Variants in ABCD4 observed in about 807,000 individuals in gnomAD.
ABCD4 encodes the protein ATP binding cassette subfamily D member 4.
Under a neutral mutation model 86.3 loss-of-function variants are expected in ABCD4, and 53 were observed. That is an observed-to-expected ratio of 0.61 (90% CI 0.49 to 0.77). The LOEUF (loss-of-function observed/expected upper bound fraction) is 0.77, where lower values mean the gene tolerates loss of function less well. Ranked by LOEUF, ABCD4 falls within the 30% of genes least tolerant of loss-of-function variation. The pLI is 0.00. For missense variants in ABCD4, 757 were observed against 764.5 expected, an observed-to-expected ratio of 0.99 and a Z score of 0.12; for synonymous variants, 328 against 313.6, an observed-to-expected ratio of 1.05 and a Z score of -0.49.
intron 9 of ABCD4, 28 bp downstream of exon 9, chr14:74,292,720 A>G (rs770810842): frequency 1.2e-5 from 20 of 1,613,862 alleles, no homozygotes; most frequent in Non-Finnish European, 8.5e-6. Flanking sequence ...GAGGGACAGC[A>G]TGTGGGGTGA....
chr14:74,290,229 C>G (rs2081100306), intron 12 of ABCD4, 62 bp downstream of exon 12: 1 of 1,611,878 alleles, frequency 6.2e-7, no homozygotes, highest in Non-Finnish European at 8.5e-7. Flanking sequence ...CACACCGTCC[C>G]CGCCTTCACC....
intron 13 of ABCD4, 163 bp from the exon 14 acceptor site, chr14:74,289,682 G>T: frequency 1.4e-6 from 2 of 1,453,658 alleles, no homozygotes; most frequent in Non-Finnish European, 1.8e-6. Flanking sequence ...AGACAGCAGG[G>T]CAAGGTCCCT....
At chr14:74,290,609 G>A (rs756761188) in intron 11 of ABCD4, 110 bp from the exon 12 acceptor site, 3 of 778,790 alleles carry the variant, frequency 3.9e-6, no homozygotes, top group Non-Finnish European at 6.5e-6. Flanking sequence ...GGGCTGACTT[G>A]CATCCTCCCA....
chr14:74,300,588 C>T (rs1423697962), intron 1 of ABCD4, among the ~76,000 whole-genome samples: 3 of 138,434 alleles, frequency 2.2e-5, no homozygotes, highest in Non-Finnish European at 3.1e-5. Context: ...AGCAAAACTC[C>T]GTCTCAAAAA....
In ABCD4 at chr14:74,285,436, ATTTAT is replaced by A; in HGVS notation, c.*1020_*1024del. 1 of 152,192 alleles carries A rather than the reference ATTTAT, an allele frequency of 6.6e-6. No homozygotes were observed. Among genetic ancestry groups the A allele is most frequent in the Non-Finnish European group, 1.5e-5 (1 of 68,030 alleles). 9.4% of individuals were successfully genotyped at this position (152,192 alleles called of 1,614,324 possible). ...TAATAACACCGATGGTTTTTCTTGT[ATTTAT>A]TTTTAGTTACTTTCCATCTATGTTA... is the stretch of plus-strand genomic sequence containing the variant. On this transcript the variant is annotated 3_prime_UTR_variant, in exon 19 of 19. Coordinates refer to ENST00000356924, the MANE Select transcript of ABCD4 (RefSeq NM_005050.4).
At chr14:74,300,101 C>A in intron 2 of ABCD4, 49 bp downstream of exon 2, 1 of 1,112,044 alleles carries the variant, frequency 9.0e-7, no homozygotes, top group Non-Finnish European at 1.3e-6. Context: ...GGAAAGGGAC[C>A]CCAAACCAGA....
chr14:74,296,313 G>A lies in ABCD4; in HGVS notation c.542+20C>T, dbSNP rs2140013486. 1 of 1,607,698 alleles carries A rather than the reference G, an allele frequency of 6.2e-7. No homozygotes were observed. Among genetic ancestry groups the A allele is most frequent in the Non-Finnish European group, 8.5e-7 (1 of 1,174,260 alleles). The stretch of plus-strand genomic sequence containing the variant: ...GGGCCCTCTGGGGAAACACCAGGCT[G>A]GGGAGGAGGGAGGCTTCACCTTTGG... On this transcript the variant is annotated intron_variant, in intron 5 of 18. Coordinates refer to ENST00000356924, the MANE Select transcript of ABCD4 (RefSeq NM_005050.4).
At chr14:74,291,786 A>G (rs1163474353) in intron 11 of ABCD4, among the ~76,000 whole-genome samples, 1 of 152,246 alleles carries the variant, frequency 6.6e-6, no homozygotes, top group Non-Finnish European at 1.5e-5. Context: ...CCCTACAACA[A>G]GTGAAGGAAG....
intron 13 of ABCD4, 186 bp from the exon 14 acceptor site, chr14:74,289,705 A>G (rs2080928336): frequency 2.1e-6 from 3 of 1,441,658 alleles, no homozygotes; most frequent in East Asian, 5.0e-5. Context: ...AACCTTCAGA[A>G]GTGTGTTTAG....
In ABCD4 at chr14:74,292,271, C is replaced by T. The variant is rs201627696; in HGVS notation, c.1118+16G>A. On this transcript the variant is annotated intron_variant, in intron 11 of 18. Transcript: ENST00000356924. ...GCCTGCAGCCTCAACTACTGCTCTG[C>T]CAGCCCGCTACTCACGTGTCCAAGC... The T allele has an allele frequency of 1.9e-6, 3 of 1,613,422 alleles. No homozygotes were observed. Among genetic ancestry groups the T allele is most frequent in the East Asian group, 4.5e-5 (2 of 44,874 alleles).
At chr14:74,302,085 C>A (rs1271619266) in intron 1 of ABCD4, among the ~76,000 whole-genome samples, 43 of 152,054 alleles carry the variant, frequency 2.8e-4, no homozygotes, top group Non-Finnish European at 1.2e-4. Flanking sequence ...AACAATCCAG[C>A]AAAATTAGAT....
chr14:74,299,997 A>T (rs1189671572), intron 2 of ABCD4, 153 bp downstream of exon 2: 14 of 585,574 alleles, frequency 2.4e-5, no homozygotes, highest in Non-Finnish European at 4.2e-5. Flanking sequence ...AGGGAGGCAG[A>T]GGTTGCAGTG....
At chr14:74,295,344 G>A (rs1371141652) in intron 6 of ABCD4, 146 bp from the exon 7 acceptor site, 4 of 878,284 alleles carry the variant, frequency 4.6e-6, no homozygotes, top group Non-Finnish European at 5.3e-6. Flanking sequence ...TTCCTGGACT[G>A]TTATGGGGTA....
chr14:74,295,590 T>A (rs183318486), intron 6 of ABCD4: 30 of 559,234 alleles, frequency 5.4e-5, no homozygotes, highest in Non-Finnish European at 2.5e-5. Context: ...GAGATGACAA[T>A]GACGATGGTG....
At chr14:74,301,665 G>C (rs1391513551) in intron 1 of ABCD4, among the ~76,000 whole-genome samples, 1 of 145,168 alleles carries the variant, frequency 6.9e-6, no homozygotes, top group African/African-American at 2.6e-5. Flanking sequence ...CCTGCACTTC[G>C]GGAGGCCGAG....
At chr14:74,302,543 C>T (rs140532844) in intron 1 of ABCD4, among the ~76,000 whole-genome samples, 538 of 152,282 alleles carry the variant, frequency 3.5e-3, no homozygotes, top group African/African-American at 0.012. Context: ...TGCATTGGCC[C>T]ACAGGGTGTC....
chr14:74,288,492 G>T (rs930692779), intron 15 of ABCD4: 1 of 651,166 alleles, frequency 1.5e-6, no homozygotes, highest in Non-Finnish European at 2.6e-6. Context: ...AAAGCAAACC[G>T]CCTTCATCAA....
chr14:74,295,856 A>G lies in ABCD4; in HGVS notation c.666T>C (p.Phe222=). The G allele has an allele frequency of 2.5e-6, 4 of 1,613,504 alleles. No individual in the cohort carries two copies. Among genetic ancestry groups the G allele is most frequent in the Non-Finnish European group, 3.4e-6 (4 of 1,179,848 alleles). Residue 222 remains phenylalanine, a splice_region_variant and synonymous_variant, in exon 6 of 19, where the codon TTT becomes TTC. Coordinates refer to ENST00000356924, the MANE Select transcript of ABCD4 (RefSeq NM_005050.4). ...LVHQEKLEGD[F]RFKHMQIRVN... is the part of the protein sequence containing the mutation. ...AACCTCAAGTGAGGGAGACACACCTAAAATCTCCCTCCAGCTTCTCCTGAT... is the reference window on the plus strand; with the variant it reads ...AACCTCAAGTGAGGGAGACACACCTGAAATCTCCCTCCAGCTTCTCCTGAT...
At chr14:74,286,858 C>T (rs764165213) in intron 17 of ABCD4, 42 bp from the exon 18 acceptor site, 35 of 1,575,832 alleles carry the variant, frequency 2.2e-5, no homozygotes, top group South Asian at 1.9e-4. Flanking sequence ...AAGCCCTGCC[C>T]TCTGCCGCCG....
Sources: gnomAD v4.1 joint callset for allele counts (sites outside exome capture counted in the v4.1 genomes callset) on GRCh38, gnomAD v4.1.1 for gene constraint, MANE v1.5 for transcripts, NCBI Gene and HGNC (gene_info 2026-07-23, HGNC 2026-07-21) for gene names.